The following FKBP15 variants were observed in gnomAD, a reference collection of about 807,000 sequenced individuals.
FKBP15 encodes FKBP prolyl isomerase family member 15.
In FKBP15, 106 loss-of-function variants were observed where a neutral mutation model predicts 158.1. The observed-to-expected ratio is 0.67, with a 90% CI of 0.57 to 0.79. The LOEUF (loss-of-function observed/expected upper bound fraction) is 0.79, where lower values mean the gene tolerates loss of function less well. Among genes scored for constraint, FKBP15 ranks in the 30% least tolerant of loss-of-function variants. The pLI, the probability that FKBP15 is intolerant of heterozygous loss-of-function variation, is 0.00. For synonymous variants in FKBP15, 547 were observed against 548.6 expected, an observed-to-expected ratio of 1.00 and a Z score of 0.04; for missense variants, 1,287 against 1,479.1, an observed-to-expected ratio of 0.87 and a Z score of 2.13.
At chr9:113,172,501 C>G (rs1026239661) in intron 23 of FKBP15, among the ~76,000 whole-genome samples, 1 of 152,146 alleles carries the variant, frequency 6.6e-6, no homozygotes, top group African/African-American at 2.4e-5. Flanking sequence ...CACATCCTCT[C>G]CAGAATCTCT....
chr9:113,172,902 T>G (rs1426040133), intron 23 of FKBP15, among the ~76,000 whole-genome samples: 1 of 152,160 alleles, frequency 6.6e-6, no homozygotes, highest in African/African-American at 2.4e-5. Flanking sequence ...TCAGGCCTGA[T>G]GATCCCACCA....
intron 20 of FKBP15, among the ~76,000 whole-genome samples, chr9:113,177,439 C>G (rs1830319126): frequency 6.6e-6 from 1 of 152,182 alleles, no homozygotes; most frequent in African/African-American, 2.4e-5. Context: ...ACATTCAAAT[C>G]TAAGACTGTC....
intron 2 of FKBP15, among the ~76,000 whole-genome samples, chr9:113,208,198 G>A (rs1264670260): frequency 6.6e-6 from 1 of 152,196 alleles, no homozygotes; most frequent in East Asian, 1.9e-4. Flanking sequence ...TTAGCTGGGG[G>A]TGGTGGCGCG....
intron 5 of FKBP15, 119 bp downstream of exon 5, chr9:113,202,842 C>T (rs1830819134): frequency 5.7e-6 from 5 of 879,296 alleles, no homozygotes; most frequent in Non-Finnish European, 9.0e-6. Flanking sequence ...CTGTTAGATA[C>T]TCACAAGGAC....
At chr9:113,202,415 T>A in intron 6 of FKBP15, 116 bp downstream of exon 6, 1 of 687,414 alleles carries the variant, frequency 1.5e-6, no homozygotes, top group Non-Finnish European at 2.3e-6. Flanking sequence ...GTGGGTTTTT[T>A]ATGCTAGTCA....
At chr9:113,172,801 A>G (rs1056240457) in intron 23 of FKBP15, among the ~76,000 whole-genome samples, 1 of 152,238 alleles carries the variant, frequency 6.6e-6, no homozygotes, top group Admixed American at 6.5e-5. Flanking sequence ...CTCTGAGCCA[A>G]AAGTTTTCAA....
intron 21 of FKBP15, 70 bp from the exon 22 acceptor site, chr9:113,174,653 C>A: frequency 6.8e-7 from 1 of 1,469,580 alleles, no homozygotes. Flanking sequence ...ATGGCGGTGG[C>A]AGTTAATTAC....
chr9:113,218,882 C>A (rs1341127068), intron 1 of FKBP15, among the ~76,000 whole-genome samples: 1 of 152,144 alleles, frequency 6.6e-6, no homozygotes, highest in East Asian at 1.9e-4. Context: ...TATCTTTCTA[C>A]CATCTTTAGA....
rs531215395 is a variant in FKBP15 at position 113,198,186 on chromosome 9, A to T, written c.717+669T>A. Among the ~76,000 whole-genome samples, 1 of 152,326 alleles carries T rather than the reference A, an allele frequency of 6.6e-6. No individual in the cohort carries two copies. The highest frequency in any genetic ancestry group is 2.1e-4 in the South Asian group (1 of 4,820). On this transcript the variant is annotated intron_variant, in intron 8 of 27. Coordinates refer to ENST00000238256, the MANE Select transcript of FKBP15 (RefSeq NM_015258.2). The surrounding 1 kb of genome is among the most constrained non-coding windows in gnomAD (Gnocchi z 5.2). ...CTTCTACAGTGATTGGAAAGTGCTG[A>T]TTCAAAGCAATCCAGACAGATGAGA...
Position 113,184,152 on chromosome 9 carries a change from G to A in FKBP15, c.1716+140C>T. The A allele has an allele frequency of 1.6e-6, 1 of 641,434 alleles. No homozygotes were observed. The highest frequency in any genetic ancestry group is 2.9e-5 in the Admixed American group (1 of 34,110). 39.7% of individuals were successfully genotyped at this position (641,434 alleles called of 1,614,324 possible). On this transcript the variant is annotated intron_variant, in intron 17 of 27. Transcript: ENST00000238256. This position sits in a 1 kb window ranked among gnomAD's most constrained non-coding sequence, Gnocchi z 4.5. ...CACTTGGACAGAATTAAGCCATAAT[G>A]GATTTTCTAGAATTGTCTAACCCAG...
At chr9:113,196,596 G>A (rs999463183) in intron 9 of FKBP15, among the ~76,000 whole-genome samples, 2 of 152,038 alleles carry the variant, frequency 1.3e-5, no homozygotes, top group African/African-American at 2.4e-5. Context: ...TGTTAGCCAG[G>A]ATGGTCTCGA....
At chr9:113,208,465 T>G (rs1188492905) in intron 2 of FKBP15, among the ~76,000 whole-genome samples, 3 of 152,252 alleles carry the variant, frequency 2.0e-5, no homozygotes, top group African/African-American at 7.2e-5. Context: ...GAGATAATAC[T>G]GATGCGGACA....
chr9:113,169,032 G>C (rs1242876843), intron 26 of FKBP15, among the ~76,000 whole-genome samples, 192 bp downstream of exon 26: 1 of 151,820 alleles, frequency 6.6e-6, no homozygotes, highest in Non-Finnish European at 1.5e-5. Context: ...CTACCACAGG[G>C]CCCGCCACAC....
At chr9:113,209,747 A>C (rs1430621426) in intron 2 of FKBP15, among the ~76,000 whole-genome samples, 1 of 152,240 alleles carries the variant, frequency 6.6e-6, no homozygotes, top group East Asian at 1.9e-4. Flanking sequence ...GTAACTTTGA[A>C]ATGACCAATT....
rs763268785 is a variant in FKBP15, at chr9:113,162,118, C to T, written c.*3960G>A. On this transcript the variant is annotated 3_prime_UTR_variant, in exon 28 of 28. Transcript: ENST00000238256. ...ATGACAAGCTCTCCTCTCCTCCCTT[C>T]CCACTCGAATCAGGCAACCATTTAG... The T allele has an allele frequency of 5.7e-5, 19 of 334,236 alleles. No individual in the cohort carries two copies. The highest frequency in any genetic ancestry group is 9.7e-5 in the Non-Finnish European group (17 of 175,630). The allele number at this position is 334,236 out of a possible 1,614,324, so 20.7% of individuals were successfully genotyped here.
At chr9:113,201,312 G>A (rs891027228) in intron 6 of FKBP15, among the ~76,000 whole-genome samples, 1 of 151,918 alleles carries the variant, frequency 6.6e-6, no homozygotes, top group African/African-American at 2.4e-5. Context: ...AAATATGTAG[G>A]GGGGAAAAAA....
chr9:113,187,488 G>C, intron 14 of FKBP15: 1 of 285,948 alleles, frequency 3.5e-6, no homozygotes, highest in Admixed American at 4.9e-5. Flanking sequence ...GAATACAGAA[G>C]AACGCGAATA....
intron 19 of FKBP15, among the ~76,000 whole-genome samples, chr9:113,181,062 G>A (rs1241147760): frequency 1.3e-5 from 2 of 152,174 alleles, no homozygotes; most frequent in African/African-American, 4.8e-5. Flanking sequence ...AGATGATCAA[G>A]TAAAACATGT....
chr9:113,192,657 T>A (rs1449758434), intron 11 of FKBP15, among the ~76,000 whole-genome samples: 3 of 152,196 alleles, frequency 2.0e-5, no homozygotes, highest in Non-Finnish European at 4.4e-5. Flanking sequence ...TAGCAATACT[T>A]ATGATAATAA....
Sources: gnomAD v4.1 joint callset for allele counts (sites outside exome capture counted in the v4.1 genomes callset) on GRCh38, gnomAD v4.1.1 for gene constraint, Gnocchi (gnomAD v3.1) non-coding constraint, MANE v1.5 for transcripts, NCBI Gene and HGNC (gene_info 2026-07-23, HGNC 2026-07-21) for gene names.